IL1RAPL1: variants seen among roughly 807,000 people sequenced by gnomAD.
IL1RAPL1 encodes the protein interleukin-1 receptor accessory protein-like 1.
A neutral mutation model predicts 48.4 loss-of-function variants in IL1RAPL1; 3 were observed. The ratio of observed to expected loss-of-function variants is 0.06; its 90% CI spans 0.03 to 0.16. The LOEUF (loss-of-function observed/expected upper bound fraction) is 0.16. Ranked by LOEUF, IL1RAPL1 falls within the 10% of genes least tolerant of loss-of-function variation. The pLI, the probability that IL1RAPL1 is intolerant of heterozygous loss-of-function variation, is 1.00. For synonymous variants in IL1RAPL1, 185 were observed against 187.7 expected (o/e 0.99, Z 0.12); for missense variants, 349 against 530.6 (o/e 0.66, Z 3.36).
chrX:28,707,898 A>G (rs1312628627), intron 1 of IL1RAPL1, among the ~76,000 whole-genome samples: 3 of 112,203 alleles, frequency 2.7e-5, no homozygotes, highest in Non-Finnish European at 5.6e-5. Flanking sequence ...CACATTTTTC[A>G]TTGACTTTAA....
chrX:29,660,682 T>C (rs1352008428), intron 5 of IL1RAPL1, among the ~76,000 whole-genome samples: 2 of 111,653 alleles, frequency 1.8e-5, no homozygotes, highest in Admixed American at 9.5e-5. Flanking sequence ...TTCTGTTCCA[T>C]TGGTGTATGT....
At chrX:28,787,215 T>G (rs2147264213) in intron 1 of IL1RAPL1, among the ~76,000 whole-genome samples, 1 of 112,006 alleles carries the variant, frequency 8.9e-6, no homozygotes, top group Non-Finnish European at 1.9e-5. Flanking sequence ...AGGAGTAAAG[T>G]AATAAGATAG....
chrX:29,323,325 A>G (rs1432844861), intron 3 of IL1RAPL1, among the ~76,000 whole-genome samples: 1 of 110,007 alleles, frequency 9.1e-6, no homozygotes, highest in African/African-American at 3.3e-5. Flanking sequence ...TGGTGCAAAA[A>G]CTATTATTTT....
At chrX:29,884,257 A>G (rs1305776755) in intron 6 of IL1RAPL1, among the ~76,000 whole-genome samples, 1 of 111,575 alleles carries the variant, frequency 9.0e-6, no homozygotes, top group Non-Finnish European at 1.9e-5. Flanking sequence ...AACATGTATC[A>G]TGTAATACAC....
chrX:29,443,019 T>C (rs1311234633), intron 5 of IL1RAPL1, among the ~76,000 whole-genome samples: 4 of 111,703 alleles, frequency 3.6e-5, no homozygotes, highest in Non-Finnish European at 7.5e-5. Context: ...TTATTCATCC[T>C]AGTTGACTAT....
chrX:29,382,699 T>G (rs1477938113), intron 3 of IL1RAPL1, among the ~76,000 whole-genome samples: 1 of 111,562 alleles, frequency 9.0e-6, no homozygotes, highest in Non-Finnish European at 1.9e-5. Flanking sequence ...GTTTATTTAT[T>G]TATTTATTTA....
chrX:29,172,348 A>T, intron 2 of IL1RAPL1, among the ~76,000 whole-genome samples: 1 of 111,867 alleles, frequency 8.9e-6, no homozygotes, highest in East Asian at 2.8e-4. Flanking sequence ...CTAGAGATGC[A>T]AATTTCTGGT....
At chrX:29,486,766 G>A (rs1004218671) in intron 5 of IL1RAPL1, among the ~76,000 whole-genome samples, 1 of 110,829 alleles carries the variant, frequency 9.0e-6, no homozygotes, top group East Asian at 2.8e-4. Context: ...GGTGTCAGCT[G>A]AAAAAGTGCT....
intron 2 of IL1RAPL1, among the ~76,000 whole-genome samples, chrX:28,935,985 C>T (rs1338719277): frequency 9.0e-6 from 1 of 111,433 alleles, no homozygotes; most frequent in Non-Finnish European, 1.9e-5. Context: ...GTGTATTTCA[C>T]ACATATTGGC....
intron 1 of IL1RAPL1, among the ~76,000 whole-genome samples, chrX:28,677,752 T>C (rs1365917367): frequency 1.8e-5 from 2 of 110,994 alleles, no homozygotes; most frequent in African/African-American, 6.6e-5. Context: ...GAAGCCCAAC[T>C]AATTTTTGTA....
In IL1RAPL1 at chrX:29,406,347, A is replaced by C. The variant is rs187327531; in HGVS notation, c.703+7039A>C. Among the ~76,000 whole-genome samples the C allele has an allele frequency of 6.4e-3, 704 of 109,259 alleles. 7 individuals carry two copies. Among genetic ancestry groups the C allele is most frequent in the African/African-American group, 0.019 (584 of 30,037 alleles). The allele number at this position is 109,259 out of a possible 115,157, so 94.9% of individuals were successfully genotyped here. A position where few individuals can be genotyped will look rare whatever the true frequency, so the allele number is the denominator to read the frequency against. ...GAGCTTGTAGTGAGCCGAAATCGCG[A>C]CACTGCACTCCAGACTGGGCGACAG... On this transcript the variant is annotated intron_variant, in intron 5 of 10. Coordinates refer to ENST00000378993, the MANE Select transcript of IL1RAPL1 (RefSeq NM_014271.4).
intron 5 of IL1RAPL1, among the ~76,000 whole-genome samples, chrX:29,613,712 C>CGTGTGTGTGTGTGT (rs753582133): frequency 3.4e-5 from 2 of 58,802 alleles, no homozygotes; most frequent in Admixed American, 2.4e-4. Context: ...GGGTTTTTTT[C>CGTGTGTGTGTGTGT]GTGTGTGTGT....
At chrX:29,061,895 AAACTT>A (rs1230307196) in intron 2 of IL1RAPL1, among the ~76,000 whole-genome samples, 1 of 112,459 alleles carries the variant, frequency 8.9e-6, no homozygotes, top group Non-Finnish European at 1.9e-5. Context: ...AAGGAAATAA[AAACTT>A]AACCTGTGCA....
At chrX:28,950,533 T>C (rs1184697293) in intron 2 of IL1RAPL1, among the ~76,000 whole-genome samples, 23 of 91,279 alleles carry the variant, frequency 2.5e-4, no homozygotes, top group Non-Finnish European at 4.7e-4. Flanking sequence ...CCTTGGGCAG[T>C]ATGGCCATTT....
At chrX:29,783,833 A>G (rs913314206) in intron 6 of IL1RAPL1, among the ~76,000 whole-genome samples, 11 of 112,468 alleles carry the variant, frequency 9.8e-5, no homozygotes, top group Non-Finnish European at 2.1e-4. Flanking sequence ...ATAGAAACCA[A>G]ACTAAACAAA....
At chrX:29,062,422 A>G (rs977612355) in intron 2 of IL1RAPL1, among the ~76,000 whole-genome samples, 6 of 112,503 alleles carry the variant, frequency 5.3e-5, no homozygotes, top group African/African-American at 1.6e-4. Context: ...ATGTTATGCA[A>G]ATAAGCACTA....
chrX:29,124,897 T>C (rs1030057330), intron 2 of IL1RAPL1, among the ~76,000 whole-genome samples: 14 of 112,028 alleles, frequency 1.2e-4, no homozygotes, highest in South Asian at 3.7e-4. Context: ...GAATAGTGTA[T>C]TGTTCACTAA....
chrX:29,658,440 C>CTTGG (rs1187753328), intron 5 of IL1RAPL1, among the ~76,000 whole-genome samples: 1 of 111,794 alleles, frequency 8.9e-6, no homozygotes, highest in Non-Finnish European at 1.9e-5. Context: ...TTTCTTTTAC[C>CTTGG]TTGGAGGTTT....
intron 2 of IL1RAPL1, among the ~76,000 whole-genome samples, chrX:28,877,801 T>C (rs1922410826): frequency 8.9e-6 from 1 of 111,796 alleles, no homozygotes; most frequent in Non-Finnish European, 1.9e-5. Context: ...TCATCCTGTT[T>C]AAAGCTTCTG....
Sources: gnomAD v4.1 joint callset for allele counts (sites outside exome capture counted in the v4.1 genomes callset) on GRCh38, gnomAD v4.1.1 for gene constraint, MANE v1.5 for transcripts, NCBI Gene and HGNC (gene_info 2026-07-23, HGNC 2026-07-21) for gene names.